The following MAPK10 variants were observed in gnomAD, a reference collection of about 807,000 sequenced individuals.
The protein encoded by MAPK10 is mitogen-activated protein kinase 10, also known as JNK3 alpha protein kinase.
Under a neutral mutation model 59.3 loss-of-function variants are expected in MAPK10, and 25 were observed. The observed-to-expected ratio is 0.42, with a 90% CI of 0.31 to 0.59. The LOEUF (loss-of-function observed/expected upper bound fraction) is 0.59. Ranked by LOEUF, MAPK10 falls within the 20% of genes least tolerant of loss-of-function variation. MAPK10 has a pLI of 0.15. For synonymous variants in MAPK10, 190 were observed against 200.5 expected (o/e 0.95, Z 0.44); for missense variants, 351 against 568.9 (o/e 0.62, Z 3.90).
intron 1 of MAPK10, among the ~76,000 whole-genome samples, chr4:86,432,954 T>A (rs762263461): frequency 1.3e-5 from 2 of 152,160 alleles, no homozygotes; most frequent in Non-Finnish European, 2.9e-5. Flanking sequence ...AGCTCATACC[T>A]GTGGGAGGGA....
At position 86,168,557 on chromosome 4, in the gene MAPK10, G is replaced by A. The variant is rs189020474; in HGVS notation, c.67-9090C>T. Among the ~76,000 whole-genome samples the A allele has an allele frequency of 1.0e-3, 158 of 152,314 alleles. 1 individual carries two copies. Among genetic ancestry groups the A allele is most frequent in the Middle Eastern group, 3.4e-3 (1 of 294 alleles). ...CTTGCTTAAGTAAACAAAGCAGCCCGGAAGCTCCAACTGGGTGGAGCCCAC... is the reference window on the plus strand; with the variant it reads ...CTTGCTTAAGTAAACAAAGCAGCCCAGAAGCTCCAACTGGGTGGAGCCCAC... On this transcript the variant is annotated intron_variant, in intron 3 of 13. Transcript: ENST00000641462.
In MAPK10 at chr4:86,386,271, T is replaced by C. The variant is rs1336225292; in HGVS notation, c.-121-31627A>G. On this transcript the variant is annotated intron_variant, in intron 1 of 13. Transcript: ENST00000361569. ...CATACTTCTAGCATCTCTCTGTCCA[T>C]TTACTCACTCTTCCCTGGGGAAGAG... 2.0e-5 allele frequency among the ~76,000 whole-genome samples: 3 copies of C among 152,314 alleles called. No individual in the cohort carries two copies. In the East Asian group the frequency reaches 5.8e-4, roughly 29 times the overall value.
intron 2 of MAPK10, among the ~76,000 whole-genome samples, chr4:86,202,412 G>A (rs1180905048): frequency 6.6e-6 from 1 of 151,804 alleles, no homozygotes; most frequent in East Asian, 1.9e-4. Context: ...CAAGGAAAAT[G>A]ACTATGTTTT....
intron 3 of MAPK10, among the ~76,000 whole-genome samples, chr4:86,187,136 A>G (rs1036444010): frequency 1.3e-5 from 2 of 150,452 alleles, no homozygotes; most frequent in Non-Finnish European, 2.9e-5. Context: ...CCTTATATTC[A>G]GAGAATACAT....
chr4:86,147,294 C>T (rs1326021408), intron 4 of MAPK10, among the ~76,000 whole-genome samples: 1 of 152,034 alleles, frequency 6.6e-6, no homozygotes, highest in South Asian at 2.1e-4. Context: ...TGCCATGTTG[C>T]TCAGGCTGGT....
At chr4:86,396,611 G>T (rs1194968243) in intron 1 of MAPK10, among the ~76,000 whole-genome samples, 1 of 152,140 alleles carries the variant, frequency 6.6e-6, no homozygotes, top group East Asian at 1.9e-4. Context: ...GATTTAATTG[G>T]CTCACAGTTC....
intron 2 of MAPK10, among the ~76,000 whole-genome samples, chr4:86,291,560 T>A (rs908990802): frequency 6.6e-6 from 1 of 152,194 alleles, no homozygotes; most frequent in Non-Finnish European, 1.5e-5. Flanking sequence ...GAAATGCATA[T>A]AGCTTTGGCA....
rs148992833 is a variant in MAPK10, at chr4:86,179,534, T to C, written c.66+14802A>G. 2.9e-3 allele frequency among the ~76,000 whole-genome samples: 446 copies of C among 152,074 alleles called. 3 individuals are homozygous for C. The highest frequency in any genetic ancestry group is 0.01 in the African/African-American group (424 of 41,520). On this transcript the variant is annotated intron_variant, in intron 3 of 13. Coordinates refer to ENST00000641462, the MANE Select transcript of MAPK10 (RefSeq NM_138982.4). ...GTATGGAACCACAAAAGGCCCCAAA[T>C]AGCCAAAGCAATCCTTAACAAAAAG...
intron 4 of MAPK10, among the ~76,000 whole-genome samples, chr4:86,128,756 T>C (rs896097001): frequency 4.6e-5 from 7 of 152,062 alleles, no homozygotes; most frequent in African/African-American, 1.7e-4. Flanking sequence ...ATTATAAATA[T>C]ATAGGAGCAC....
At chr4:86,352,741 C>T (rs1346837179) in intron 2 of MAPK10, among the ~76,000 whole-genome samples, 1 of 152,060 alleles carries the variant, frequency 6.6e-6, no homozygotes. Flanking sequence ...TATTCTTTAA[C>T]CAGTATTTGT....
chr4:86,249,725 A>G (rs114308670), intron 2 of MAPK10, among the ~76,000 whole-genome samples: 4,618 of 152,258 alleles, frequency 0.03, 95 homozygotes, highest in South Asian at 0.041. Context: ...AGGTGAATAC[A>G]TTTTTATTGT....
intron 11 of MAPK10, among the ~76,000 whole-genome samples, chr4:86,060,866 ATGT>A (rs1183042140): frequency 2.0e-5 from 3 of 152,136 alleles, no homozygotes; most frequent in African/African-American, 7.2e-5. Context: ...CAAAAAAGAA[ATGT>A]TGTGGAATAT....
intron 1 of MAPK10, among the ~76,000 whole-genome samples, chr4:86,381,923 C>T (rs1740774861): frequency 6.6e-6 from 1 of 152,110 alleles, no homozygotes; most frequent in African/African-American, 2.4e-5. Context: ...CTGAGGCTAA[C>T]TCTATGGGGC....
At chr4:86,475,863 T>C (rs1176585400) in intron 1 of MAPK10, among the ~76,000 whole-genome samples, 1 of 152,018 alleles carries the variant, frequency 6.6e-6, no homozygotes, top group Non-Finnish European at 1.5e-5. Flanking sequence ...TCCTTCTCCC[T>C]TAGCCTGTGT....
chr4:86,277,687 C>G (rs1372041208), intron 2 of MAPK10, among the ~76,000 whole-genome samples: 1 of 152,098 alleles, frequency 6.6e-6, no homozygotes, highest in Non-Finnish European at 1.5e-5. Flanking sequence ...TTACTTGTTT[C>G]TAGTTGATAA....
chr4:86,108,836 G>C (rs2056981520), intron 4 of MAPK10, among the ~76,000 whole-genome samples: 1 of 152,028 alleles, frequency 6.6e-6, no homozygotes, highest in Non-Finnish European at 1.5e-5. Context: ...CTATTAAAAG[G>C]CTGCACACAA....
At position 86,487,362 on chromosome 4, in the gene MAPK10, A is replaced by AGTGTGTGTGT. The variant is rs35053159; in HGVS notation, c.-263+106538_-263+106547dup. ...AATAGTTCATAAAAGAGAGAGAGAGAGTGTGTGTGTGTGTGTGTGTGTAGA... is the reference window on the plus strand; with the variant it reads ...AATAGTTCATAAAAGAGAGAGAGAGAGTGTGTGTGTGTGTGTGTGTGTGTGTGTGTGTAGA... On this transcript the variant is annotated intron_variant, in intron 1 of 4. Coordinates refer to the MAPK10 transcript ENST00000502302. Among the ~76,000 whole-genome samples the AGTGTGTGTGT allele has an allele frequency of 6.9e-3, 1,023 of 148,744 alleles. 6 individuals are homozygous for AGTGTGTGTGT. The highest frequency in any genetic ancestry group is 0.017 in the Middle Eastern group (5 of 290).
chr4:86,300,059 T>C (rs1168783370), intron 2 of MAPK10, among the ~76,000 whole-genome samples: 2 of 151,768 alleles, frequency 1.3e-5, no homozygotes, highest in Non-Finnish European at 2.9e-5. Flanking sequence ...CACCTGGCTA[T>C]TTTTTGTATT....
intron 1 of MAPK10, among the ~76,000 whole-genome samples, chr4:86,528,874 G>T (rs534458358): frequency 4.6e-5 from 7 of 152,100 alleles, no homozygotes; most frequent in Non-Finnish European, 1.0e-4. Flanking sequence ...TAAACACTTC[G>T]ATTTTATATT....
Sources: gnomAD v4.1 joint callset for allele counts (sites outside exome capture counted in the v4.1 genomes callset) on GRCh38, gnomAD v4.1.1 for gene constraint, MANE v1.5 for transcripts, NCBI Gene and HGNC (gene_info 2026-07-23, HGNC 2026-07-21) for gene names.